Variants in IGF2R observed in about 807,000 individuals in gnomAD.
IGF2R encodes the protein cation-independent mannose-6-phosphate receptor.
A neutral mutation model predicts 270.6 loss-of-function variants in IGF2R; 91 were observed. That is an observed-to-expected ratio of 0.34 (90% CI 0.28 to 0.40). IGF2R has a LOEUF of 0.40. Ranked by LOEUF, IGF2R falls within the 10% of genes least tolerant of loss-of-function variation. IGF2R has a pLI of 1.00. For synonymous variants in IGF2R, 1,316 were observed against 1,258.9 expected, an observed-to-expected ratio of 1.05 and a Z score of -0.96; for missense variants, 2,805 against 3,188.3, an observed-to-expected ratio of 0.88 and a Z score of 2.90.
At position 159,969,954 on chromosome 6, in the gene IGF2R, A is replaced by ATT. The variant is rs1252690963; in HGVS notation, c.149+560_149+561insTT. Among the ~76,000 whole-genome samples, 207 of 150,632 alleles carry ATT rather than the reference A, an allele frequency of 1.4e-3. 1 individual carries two copies. The highest frequency in any genetic ancestry group is 7.1e-3 in the South Asian group (34 of 4,760). On this transcript the variant is annotated intron_variant, in intron 1 of 47. Transcript: ENST00000356956. ...CTCTTTAAAGAATATATATATATAT[A>ATT]TATTTTTAGCAGGCGGTGACTTTTG...
At chr6:160,054,360 T>A (rs1778262544) in intron 19 of IGF2R, among the ~76,000 whole-genome samples, 1 of 152,130 alleles carries the variant, frequency 6.6e-6, no homozygotes, top group African/African-American at 2.4e-5. Flanking sequence ...GCCCTGTATG[T>A]CGAAAGGTGA....
intron 41 of IGF2R, among the ~76,000 whole-genome samples, chr6:160,085,914 C>A (rs1779088743): frequency 6.6e-6 from 1 of 152,226 alleles, no homozygotes; most frequent in Admixed American, 6.5e-5. Flanking sequence ...CCCGCCCTCC[C>A]TGGGAGGTTC....
At chr6:160,002,928 G>A (rs1784151883) in intron 2 of IGF2R, among the ~76,000 whole-genome samples, 1 of 152,086 alleles carries the variant, frequency 6.6e-6, no homozygotes, top group South Asian at 2.1e-4. Context: ...ATCTTCTGAG[G>A]ATTACAGCTC....
intron 29 of IGF2R, 131 bp downstream of exon 29, chr6:160,065,032 T>G: frequency 1.5e-6 from 1 of 655,880 alleles, no homozygotes; most frequent in Non-Finnish European, 2.7e-6. Context: ...TTGCTCATAT[T>G]AAAATGAGGA....
rs1165110574 is a variant in IGF2R at position 160,102,718 on chromosome 6, C to T, written c.6995+47C>T. ...GTGGGGCGGGTGGATGCATGCCTCC[C>T]ATAGCTAATCTTGGGGTCAGTTTTG... On this transcript the variant is annotated intron_variant, in intron 46 of 47. Transcript: ENST00000356956. The surrounding 1 kb of genome is among the most constrained non-coding windows in gnomAD (Gnocchi z 4.5). 5 of 1,535,246 alleles carry T rather than the reference C, an allele frequency of 3.3e-6. No individual in the cohort carries two copies. The highest frequency in any genetic ancestry group is 2.0e-5 in the Admixed American group (1 of 50,570).
chr6:160,104,250 T>A (rs1378671936), intron 47 of IGF2R, among the ~76,000 whole-genome samples: 1 of 152,190 alleles, frequency 6.6e-6, no homozygotes, highest in Non-Finnish European at 1.5e-5. Context: ...ACTAGGCTTT[T>A]GACTGGAGTC....
rs1329725161 is a variant in IGF2R, at chr6:160,040,825, G to A, written c.1480+101G>A. 4 of 1,228,962 alleles carry A rather than the reference G, an allele frequency of 3.3e-6. No homozygotes were observed. In the African/African-American group the frequency reaches 4.5e-5, roughly 14 times the overall value. The allele number at this position is 1,228,962 out of a possible 1,614,324, so 76.1% of individuals were successfully genotyped here. ...CGGTTACTATTTTCTTTGTCAGTGGGTTGCGTCACAGCCCTCCCCCAGTTT... is the reference window on the plus strand; with the variant it reads ...CGGTTACTATTTTCTTTGTCAGTGGATTGCGTCACAGCCCTCCCCCAGTTT... On this transcript the variant is annotated intron_variant, in intron 11 of 47. Transcript: ENST00000356956.
chr6:159,970,013 A>G (rs1783585669), intron 1 of IGF2R, among the ~76,000 whole-genome samples: 1 of 152,062 alleles, frequency 6.6e-6, no homozygotes, highest in Non-Finnish European at 1.5e-5. Context: ...GGTGTCGTCC[A>G]GTGTGAGCTT....
rs8191915 is a variant in IGF2R at position 160,084,220 on chromosome 6, C to G, written c.6068+36C>G. 5.5e-6 allele frequency: 7 copies of G among 1,282,848 alleles called. No homozygotes were observed. The highest frequency in any genetic ancestry group is 3.4e-6 in the Non-Finnish European group (3 of 880,752). The allele number at this position is 1,282,848 out of a possible 1,614,324, so 79.5% of individuals were successfully genotyped here. Reference sequence around the variant, plus strand: ...TCCCAGTCCACCCGCGGCGCCACACCCTCAGCATGTGAACTTCAGACTGCT... The same window carrying G: ...TCCCAGTCCACCCGCGGCGCCACACGCTCAGCATGTGAACTTCAGACTGCT... On this transcript the variant is annotated intron_variant, in intron 40 of 47. Coordinates refer to ENST00000356956, the MANE Select transcript of IGF2R (RefSeq NM_000876.4). The surrounding 1 kb of genome is among the most constrained non-coding windows in gnomAD (Gnocchi z 4.6).
intron 1 of IGF2R, among the ~76,000 whole-genome samples, chr6:159,980,236 A>AAGGAAAGAAGGAAAGAAGGAAAG (rs1562330699): frequency 2.9e-5 from 4 of 136,140 alleles, no homozygotes; most frequent in African/African-American, 1.2e-4. Flanking sequence ...AGAAAGAAAG[A>AAGGAAAGAAGGAAAGAAGGAAAG]AAGGTACATG....
At chr6:160,071,088 G>A (rs1778715694) in intron 31 of IGF2R, among the ~76,000 whole-genome samples, 2 of 146,882 alleles carry the variant, frequency 1.4e-5, no homozygotes, top group Non-Finnish European at 1.5e-5. Context: ...GGTTCCCCAT[G>A]TCCAGAGCCC....
At chr6:159,989,458 T>C (rs939576303) in intron 1 of IGF2R, among the ~76,000 whole-genome samples, 3 of 152,294 alleles carry the variant, frequency 2.0e-5, no homozygotes, top group South Asian at 2.1e-4. Flanking sequence ...AACACAGTTA[T>C]GTAGATATAT....
rs1779413521 is a variant in IGF2R, at chr6:160,098,466, T to C, written c.6842+1841T>C. On this transcript the variant is annotated intron_variant, in intron 45 of 47. Transcript: ENST00000356956. ...ATGCAGGTACCACCCGGGGGTGACG[T>C]GGAATAGTGCCTGAGATTTTTTTTT... 2.0e-5 allele frequency among the ~76,000 whole-genome samples: 3 copies of C among 152,208 alleles called. No individual in the cohort carries two copies. The South Asian group carries it at 6.2e-4, about 32-fold the overall frequency.
chr6:160,063,696 T>G, intron 27 of IGF2R, 66 bp downstream of exon 27: 1 of 1,260,990 alleles, frequency 7.9e-7, no homozygotes, highest in Non-Finnish European at 1.1e-6. Flanking sequence ...AATATTTTGC[T>G]GAAGATGAAT....
intron 1 of IGF2R, among the ~76,000 whole-genome samples, chr6:159,988,243 C>T (rs907088190): frequency 1.3e-5 from 2 of 152,016 alleles, no homozygotes; most frequent in African/African-American, 4.8e-5. Context: ...AGGCCGGGCG[C>T]GGTGGCTCAC....
At chr6:160,087,968 C>T (rs965059679) in intron 41 of IGF2R, 65 bp from the exon 42 acceptor site, 4 of 1,027,550 alleles carry the variant, frequency 3.9e-6, no homozygotes, top group Non-Finnish European at 3.1e-6. Context: ...TGAGCCACTG[C>T]GCCTGCCTGA....
intron 13 of IGF2R, among the ~76,000 whole-genome samples, 178 bp from the exon 14 acceptor site, chr6:160,045,567 T>C (rs1778050237): frequency 1.3e-5 from 2 of 152,234 alleles, no homozygotes; most frequent in Non-Finnish European, 2.9e-5. Flanking sequence ...TTGACTGTTC[T>C]AGATACCTCA....
intron 18 of IGF2R, among the ~76,000 whole-genome samples, chr6:160,049,611 C>G (rs1376103061): frequency 6.6e-6 from 1 of 152,184 alleles, no homozygotes; most frequent in African/African-American, 2.4e-5. Flanking sequence ...TAAGGTCTCC[C>G]TAAGAGAAGT....
intron 36 of IGF2R, among the ~76,000 whole-genome samples, chr6:160,077,240 A>G (rs571735062): frequency 7.2e-5 from 11 of 152,322 alleles, no homozygotes; most frequent in Non-Finnish European, 1.0e-4. Context: ...GCATCTGTTT[A>G]TAAGCGTATT....
Sources: allele counts gnomAD v4.1 joint callset (sites outside exome capture counted in the v4.1 genomes callset), GRCh38; gene constraint gnomAD v4.1.1; non-coding constraint Gnocchi (gnomAD v3.1); transcripts MANE v1.5; gene names NCBI Gene and HGNC (gene_info 2026-07-23, HGNC 2026-07-21).